Variants in LAMA2 observed in about 807,000 individuals in gnomAD.
LAMA2 encodes the protein laminin subunit alpha 2.
Under a neutral mutation model 364.8 loss-of-function variants are expected in LAMA2, and 269 were observed. The ratio of observed to expected loss-of-function variants is 0.74; its 90% CI spans 0.67 to 0.82. The LOEUF (loss-of-function observed/expected upper bound fraction) is 0.82, where lower values mean the gene tolerates loss of function less well. LAMA2 is among the 40% of genes least tolerant of loss of function. LAMA2 has a pLI of 0.00. For missense variants in LAMA2, 3,807 were observed against 3,873.2 expected (o/e 0.98, Z 0.45); for synonymous variants, 1,379 against 1,370.6 (o/e 1.01, Z -0.14).
chr6:129,294,683 A>G (rs886679410), intron 20 of LAMA2, among the ~76,000 whole-genome samples: 4 of 152,198 alleles, frequency 2.6e-5, no homozygotes, highest in Non-Finnish European at 5.9e-5. Context: ...TCCAAAAGAC[A>G]AGAAACTGGA....
At chr6:129,117,555 T>G (rs191923996) in intron 4 of LAMA2, among the ~76,000 whole-genome samples, 2 of 152,340 alleles carry the variant, frequency 1.3e-5, no homozygotes, top group East Asian at 3.9e-4. Context: ...GGTAGTCTTC[T>G]GTGTGGTTAA....
intron 1 of LAMA2, among the ~76,000 whole-genome samples, chr6:129,026,113 G>A (rs554061865): frequency 9.2e-5 from 14 of 152,172 alleles, no homozygotes; most frequent in Middle Eastern, 3.4e-3. Context: ...ACTATTTTCC[G>A]TAAAATATGT....
chr6:128,974,541 A>G lies in LAMA2; in HGVS notation c.113-75377A>G, dbSNP rs548828130. On this transcript the variant is annotated intron_variant, in intron 1 of 64. Coordinates refer to ENST00000421865, the MANE Select transcript of LAMA2 (RefSeq NM_000426.4). ...ATTGTTTTATATTAAAATGTATTCA[A>G]TTATATTATGGGATGGAACTGAAAG... 9.2e-5 allele frequency among the ~76,000 whole-genome samples: 14 copies of G among 152,320 alleles called. No individual in the cohort carries two copies. In the East Asian group the frequency reaches 2.5e-3, roughly 27 times the overall value.
chr6:129,463,979 T>C (rs553071885), intron 49 of LAMA2, among the ~76,000 whole-genome samples: 3 of 152,026 alleles, frequency 2.0e-5, no homozygotes, highest in African/African-American at 7.2e-5. Flanking sequence ...CCCCGCCCCT[T>C]TGCCCAAATA....
At chr6:129,082,499 A>C (rs1319115931) in intron 3 of LAMA2, among the ~76,000 whole-genome samples, 1 of 152,160 alleles carries the variant, frequency 6.6e-6, no homozygotes, top group Non-Finnish European at 1.5e-5. Flanking sequence ...CGTTTCAACA[A>C]AAACATTTAT....
intron 4 of LAMA2, among the ~76,000 whole-genome samples, chr6:129,116,118 A>G (rs1480434881): frequency 2.0e-5 from 3 of 152,270 alleles, no homozygotes; most frequent in South Asian, 4.1e-4. Flanking sequence ...TGACATTATA[A>G]AAGCAGGTAG....
chr6:129,299,604 A>G (rs1354814868), intron 21 of LAMA2, among the ~76,000 whole-genome samples: 2 of 152,192 alleles, frequency 1.3e-5, no homozygotes, highest in Non-Finnish European at 2.9e-5. Context: ...TAGCATATAA[A>G]TTTAAACATA....
chr6:129,234,999 T>C (rs1416388724), intron 12 of LAMA2, among the ~76,000 whole-genome samples: 1 of 152,166 alleles, frequency 6.6e-6, no homozygotes, highest in African/African-American at 2.4e-5. Context: ...AAATGTATGA[T>C]TTTTAAAAGT....
chr6:129,154,749 C>CA (rs1043765273), intron 8 of LAMA2, 66 bp downstream of exon 8: 7 of 1,274,130 alleles, frequency 5.5e-6, no homozygotes, highest in South Asian at 3.7e-5. Context: ...ATGTTTTATA[C>CA]AAAAAAATAA....
intron 14 of LAMA2, among the ~76,000 whole-genome samples, chr6:129,255,622 A>T (rs1786607991): frequency 6.6e-6 from 1 of 152,072 alleles, no homozygotes; most frequent in South Asian, 2.1e-4. Flanking sequence ...CTTGAAAATA[A>T]ATACAGAATC....
intron 14 of LAMA2, among the ~76,000 whole-genome samples, chr6:129,255,736 C>T (rs1786615990): frequency 1.3e-5 from 2 of 151,960 alleles, no homozygotes; most frequent in Non-Finnish European, 2.9e-5. Flanking sequence ...TAGAAAAATT[C>T]CTTTGTAAAC....
chr6:129,484,554 CTG>C (rs1196397338), intron 55 of LAMA2, among the ~76,000 whole-genome samples: 1 of 151,966 alleles, frequency 6.6e-6, no homozygotes. Context: ...GAGAGGCAAA[CTG>C]TGGCACTTTT....
chr6:129,144,287 T>C (rs1403739809), intron 5 of LAMA2, among the ~76,000 whole-genome samples: 4 of 152,050 alleles, frequency 2.6e-5, no homozygotes, highest in Non-Finnish European at 5.9e-5. Flanking sequence ...GCTTATTACA[T>C]GTGTAACATT....
chr6:129,412,178 T>C (rs1780571144), intron 40 of LAMA2, among the ~76,000 whole-genome samples: 1 of 152,088 alleles, frequency 6.6e-6, no homozygotes, highest in Admixed American at 6.6e-5. Flanking sequence ...CTCATGAGAT[T>C]GTGGGGTCTG....
At chr6:129,340,319 G>C (rs574571641) in intron 29 of LAMA2, among the ~76,000 whole-genome samples, 1 of 151,996 alleles carries the variant, frequency 6.6e-6, no homozygotes, top group African/African-American at 2.4e-5. Context: ...GACAGGAAAG[G>C]CTTGACCAAT....
At chr6:129,389,821 G>T (rs7753331) in intron 35 of LAMA2, among the ~76,000 whole-genome samples, 2 of 152,032 alleles carry the variant, frequency 1.3e-5, no homozygotes, top group South Asian at 4.1e-4. Flanking sequence ...ACAGCAAGGG[G>T]GGAGGTTTGC....
At chr6:128,950,183 T>C (rs1382985989) in intron 1 of LAMA2, among the ~76,000 whole-genome samples, 1 of 152,090 alleles carries the variant, frequency 6.6e-6, no homozygotes, top group African/African-American at 2.4e-5. Context: ...TGAATAAATC[T>C]GAGATAACAT....
At position 129,243,915 on chromosome 6, in the gene LAMA2, G is replaced by A. The variant is rs761341280; in HGVS notation, c.1783-6197G>A. 9.2e-5 allele frequency among the ~76,000 whole-genome samples: 14 copies of A among 151,568 alleles called. No individual in the cohort carries two copies. In the South Asian group the frequency reaches 1.5e-3, roughly 16 times the overall value. Reference sequence around the variant, plus strand: ...AGATGAAGAAGAAAGCTAAGGAGAAGATGGGTAACAGGAAAAAAAGAGGGC... The same window carrying A: ...AGATGAAGAAGAAAGCTAAGGAGAAAATGGGTAACAGGAAAAAAAGAGGGC... On this transcript the variant is annotated intron_variant, in intron 12 of 64. Transcript: ENST00000421865.
intron 1 of LAMA2, among the ~76,000 whole-genome samples, chr6:128,909,948 A>C (rs1308384091): frequency 6.6e-6 from 1 of 151,900 alleles, no homozygotes; most frequent in Non-Finnish European, 1.5e-5. Flanking sequence ...TTTCTTTAAG[A>C]ATGTTGAATA....
Sources: allele counts gnomAD v4.1 joint callset (sites outside exome capture counted in the v4.1 genomes callset), GRCh38; gene constraint gnomAD v4.1.1; transcripts MANE v1.5; gene names NCBI Gene and HGNC (gene_info 2026-07-23, HGNC 2026-07-21).